Variants in GRIPAP1 observed in about 807,000 individuals in gnomAD.
The protein encoded by GRIPAP1 is GRIP1 associated protein 1.
In GRIPAP1, 14 loss-of-function variants were observed where a neutral mutation model predicts 84.1. The ratio of observed to expected loss-of-function variants is 0.17; its 90% CI spans 0.11 to 0.26. The LOEUF (loss-of-function observed/expected upper bound fraction) is 0.26. GRIPAP1 is among the 10% of genes least tolerant of loss of function. The probability of loss-of-function intolerance (pLI) is 1.00; values close to 1 mark genes in which losing one functional copy is unlikely to be tolerated. For missense variants in GRIPAP1, 518 were observed against 674.2 expected, an observed-to-expected ratio of 0.77 and a Z score of 2.57; for synonymous variants, 261 against 256.8, an observed-to-expected ratio of 1.02 and a Z score of -0.15.
At chrX:48,975,405 G>A in intron 24 of GRIPAP1, 96 bp from the exon 25 acceptor site, 1 of 871,233 alleles carries the variant, frequency 1.1e-6, no homozygotes, top group Non-Finnish European at 1.6e-6. Flanking sequence ...TACCAGGGGA[G>A]AAGGCAGCAG....
intron 8 of GRIPAP1, 147 bp downstream of exon 8, chrX:48,990,538 G>T: frequency 2.1e-6 from 1 of 479,082 alleles, no homozygotes. Flanking sequence ...GTAACTCTGA[G>T]ACATAGGTGT....
In GRIPAP1 at chrX:48,978,400, G is replaced by C; in HGVS notation, c.1966C>G (p.Pro656Ala). The change falls in exon 22 of 26, where the codon CCA becomes GCA. Residue 656 changes from proline (P) to alanine (A), a missense_variant. Physicochemically the swap from Pro to Ala is conservative, Grantham distance 27. Transcript: ENST00000376423. ...CTGTCCCCTGTCTGGGTCCGGCTTG[G>C]TGAGTTCATCTCTGAGAGAACCAGC... ...EELVLSEMNS[P>A]SRTQTGDSSS... The C allele has an allele frequency of 1.7e-6, 2 of 1,208,132 alleles. No individual in the cohort carries two copies. The highest frequency in any genetic ancestry group is 2.2e-6 in the Non-Finnish European group (2 of 893,335).
chrX:48,993,517 C>T lies in GRIPAP1; in HGVS notation c.368G>A (p.Gly123Glu), dbSNP rs1557066071. 8.4e-7 allele frequency: 1 copy of T among 1,188,026 alleles called. No individual in the cohort carries two copies. Residue 123 changes from glycine (G) to glutamate (E), a missense_variant, in exon 6 of 26, where the codon GGA becomes GAA. This residue lies in a region of GRIPAP1 where 372 missense variants were observed against 458.1 expected (regional missense o/e 0.81). Transcript: ENST00000376423. Reference sequence around the variant, plus strand: ...GGGCCCAGCTTGGGCAACCCCTGCTCCTGCAGCCCCCTCCTTCAGTTGCTG... The same window carrying T: ...GGGCCCAGCTTGGGCAACCCCTGCTTCTGCAGCCCCCTCCTTCAGTTGCTG... ...ENQQLKEGAA[G>E]AGVAQAGPLV...
At chrX:48,980,883 CAA>C (rs374495965) in intron 21 of GRIPAP1, 11,968 of 160,430 alleles carry the variant, frequency 0.075, no homozygotes, top group East Asian at 0.097. Context: ...AACTCTGTCT[CAA>C]AAAAAAAAAA....
chrX:48,991,367 C>T, intron 6 of GRIPAP1: 1 of 340,427 alleles, frequency 2.9e-6, no homozygotes. Context: ...GCAACCTTGA[C>T]CTCCTGGGCT....
Position 49,002,177 on chromosome X carries a change from G to A in GRIPAP1, c.42+11C>T. 1 of 1,154,363 alleles carries A rather than the reference G, an allele frequency of 8.7e-7. No homozygotes were observed. The stretch of plus-strand genomic sequence containing the variant: ...GCCTAGCCGGGTGGTCTTTCCCACC[G>A]CGAGCGGCACCTGCATCCGCTGAAA... On this transcript the variant is annotated intron_variant, in intron 1 of 25. Coordinates refer to ENST00000376423, the MANE Select transcript of GRIPAP1 (RefSeq NM_020137.5).
Position 48,976,369 on chromosome X carries a change from G to A in GRIPAP1, c.2062-6C>T, listed in dbSNP as rs781986389. 2 of 1,195,206 alleles carry A rather than the reference G, an allele frequency of 1.7e-6. No homozygotes were observed. The highest frequency in any genetic ancestry group is 4.5e-5 in the Admixed American group (2 of 44,216). On this transcript the variant is annotated splice_polypyrimidine_tract_variant and splice_region_variant and intron_variant, in intron 22 of 25. Transcript: ENST00000376423. ...TGAGGGCTGCTGGATAAGGACTGCA[G>A]GAAAGAGAAGGGGAGAGGCCAGCCC...
Position 48,975,246 on chromosome X carries a change from A to C in GRIPAP1, c.2342T>G (p.Val781Gly). ...SGLGSVLRDLVKPGDENLREM... is the reference protein window; with the variant it reads ...SGLGSVLRDLGKPGDENLREM... ...CCGAAGGTTCTCGTCACCTGGCTTC[A>C]CTAGGTCTCTCAGGACGCTGCCCAG... Residue 781 changes from valine to glycine, a missense_variant, in exon 25 of 26, where the codon GTG becomes GGG. Val to Gly is a moderately radical substitution (Grantham distance 109). Coordinates refer to ENST00000376423, the MANE Select transcript of GRIPAP1 (RefSeq NM_020137.5). 2 of 1,211,236 alleles carry C rather than the reference A, an allele frequency of 1.7e-6. No individual in the cohort carries two copies. The highest frequency in any genetic ancestry group is 3.5e-5 in the South Asian group (2 of 56,925).
At chrX:48,997,388 G>T in intron 4 of GRIPAP1, 31 bp from the exon 5 acceptor site, 2 of 838,509 alleles carry the variant, frequency 2.4e-6, no homozygotes, top group Non-Finnish European at 1.7e-6. Flanking sequence ...CAGGACTCCA[G>T]CAAGGGCAAA....
rs782558823 is a variant in GRIPAP1, at chrX:48,975,132, G to A, written c.2433+23C>T. ...GGCAGGTGGCTGGGTGAACAGATGG[G>A]TAGGCTGGCAGGCCACACTTGCCTT... On this transcript the variant is annotated intron_variant, in intron 25 of 25. Transcript: ENST00000376423. The A allele has an allele frequency of 3.3e-6, 4 of 1,198,358 alleles. No individual in the cohort carries two copies. In the East Asian group the frequency reaches 1.2e-4, roughly 36 times the overall value.
intron 25 of GRIPAP1, 64 bp from the exon 26 acceptor site, chrX:48,974,349 G>C: frequency 4.3e-6 from 3 of 689,832 alleles, no homozygotes; most frequent in Non-Finnish European, 6.9e-6. Flanking sequence ...GCCAAACGTA[G>C]GGTATCATCT....
At chrX:48,980,954 G>A (rs1277944544) in intron 21 of GRIPAP1, 21 of 396,880 alleles carry the variant, frequency 5.3e-5, no homozygotes, top group Non-Finnish European at 7.9e-5. Flanking sequence ...CAAACATAGA[G>A]GAAAGAGAGA....
chrX:48,999,635 T>A (rs185157783), intron 1 of GRIPAP1, 131 bp from the exon 2 acceptor site: 195 of 465,727 alleles, frequency 4.2e-4, no homozygotes, highest in Non-Finnish European at 6.7e-4. Context: ...CCTTAAGACC[T>A]GTATGTGCTA....
In GRIPAP1 at chrX:49,002,254, G is replaced by A; in HGVS notation, c.-25C>T. ...TGTTCCTCCCCCCACCCCCCCGCCA[G>A]CTTTCTGCGCAGACGCAGCTCGCGC... On this transcript the variant is annotated 5_prime_UTR_variant, in exon 1 of 26. Transcript: ENST00000376423. 1 of 1,009,317 alleles carries A rather than the reference G, an allele frequency of 9.9e-7. No individual in the cohort carries two copies. The highest frequency in any genetic ancestry group is 1.4e-6 in the Non-Finnish European group (1 of 725,588). The allele number at this position is 1,009,317 out of a possible 1,213,427, so 83.2% of individuals were successfully genotyped here. A position where few individuals can be genotyped will look rare whatever the true frequency, so the allele number is the denominator to read the frequency against.
At chrX:48,981,105 C>A in intron 21 of GRIPAP1, 110 bp downstream of exon 21, 1 of 520,855 alleles carries the variant, frequency 1.9e-6, no homozygotes, top group Non-Finnish European at 3.3e-6. Context: ...TCCAGAGCGA[C>A]AGAAGCAGGA....
chrX:48,980,095 G>T (rs144963637), intron 21 of GRIPAP1, among the ~76,000 whole-genome samples: 1 of 110,789 alleles, frequency 9.0e-6, no homozygotes, highest in Non-Finnish European at 1.9e-5. Context: ...TATCCCGAGT[G>T]GGGGAATAAG....
intron 1 of GRIPAP1, among the ~76,000 whole-genome samples, chrX:49,001,362 C>A (rs1179971081): frequency 9.7e-6 from 1 of 102,895 alleles, no homozygotes; most frequent in Non-Finnish European, 2.0e-5. Flanking sequence ...TCAGACCCCC[C>A]CCCCAGTGAG....
chrX:48,982,936 G>T (rs782549878), intron 17 of GRIPAP1, 43 bp downstream of exon 17: 3 of 853,519 alleles, frequency 3.5e-6, no homozygotes, highest in East Asian at 6.2e-5. Context: ...TGACATGAGG[G>T]CCCCAATCAG....
intron 25 of GRIPAP1, among the ~76,000 whole-genome samples, chrX:48,974,618 T>A (rs1420235751): frequency 8.9e-6 from 1 of 111,915 alleles, no homozygotes; most frequent in Non-Finnish European, 1.9e-5. Flanking sequence ...GTCTGACCCC[T>A]TTCTAACTCT....
Sources: gnomAD v4.1 joint callset for allele counts (sites outside exome capture counted in the v4.1 genomes callset) on GRCh38, gnomAD v4.1.1 for gene constraint, gnomAD v4.1.1 regional missense constraint, MANE v1.5 for transcripts, NCBI Gene and HGNC (gene_info 2026-07-23, HGNC 2026-07-21) for gene names.